The following FERRY3 variants were observed in gnomAD, a reference collection of about 807,000 sequenced individuals.
The protein encoded by FERRY3 is protein C12orf4.
the FERRY3 span, among the ~76,000 whole-genome samples, chr12:4,508,581 T>C: frequency 6.6e-6 from 1 of 151,864 alleles, no homozygotes; most frequent in African/African-American, 2.4e-5. Context: ...CCCGTCTCTA[T>C]TAAAAATACA....
chr12:4,488,797 C>T, the FERRY3 span: 3 of 152,144 alleles, frequency 2.0e-5, no homozygotes, highest in Admixed American at 2.0e-4. The surrounding 1 kb of genome is among the most constrained non-coding windows in gnomAD (Gnocchi z 4.9). Context: ...TTTCTAAACA[C>T]CTGTGTGCTT....
At chr12:4,489,124 G>C in the FERRY3 span, 1 of 152,546 alleles carries the variant, frequency 6.6e-6, no homozygotes, top group Admixed American at 6.5e-5. Flanking sequence ...CATCAAGCTT[G>C]CAAAAAAGAA....
chr12:4,505,301 C>T, the FERRY3 span: 4 of 1,548,108 alleles, frequency 2.6e-6, no homozygotes, highest in South Asian at 4.5e-5. Context: ...AAAAGAAATA[C>T]TTACCAGGTA....
the FERRY3 span, among the ~76,000 whole-genome samples, chr12:4,506,094 CTGAA>C: frequency 2.2e-4 from 34 of 151,974 alleles, no homozygotes; most frequent in African/African-American, 8.0e-4. Flanking sequence ...ATTATAAAGA[CTGAA>C]TGCAAATTAT....
the FERRY3 span, among the ~76,000 whole-genome samples, chr12:4,511,121 C>G: frequency 6.7e-6 from 1 of 149,584 alleles, no homozygotes; most frequent in Non-Finnish European, 1.5e-5. Context: ...TTTAAACCAA[C>G]AAAGATCAAA....
chr12:4,491,868 G>A, the FERRY3 span, among the ~76,000 whole-genome samples: 2 of 152,142 alleles, frequency 1.3e-5, no homozygotes, highest in South Asian at 4.1e-4. Flanking sequence ...AAAACATGTA[G>A]ATTATTTCAC....
chr12:4,505,460 C>A, the FERRY3 span: 1 of 956,864 alleles, frequency 1.0e-6, no homozygotes, highest in Non-Finnish European at 1.6e-6. Flanking sequence ...AAAAGAATCA[C>A]AACAACAGCA....
the FERRY3 span, among the ~76,000 whole-genome samples, chr12:4,515,753 A>C: frequency 6.6e-6 from 1 of 152,172 alleles, no homozygotes; most frequent in Non-Finnish European, 1.5e-5. Context: ...TATATTTAAC[A>C]ATATTCTAGT....
At chr12:4,489,848 A>G in the FERRY3 span, 1 of 1,611,492 alleles carries the variant, frequency 6.2e-7, no homozygotes, top group South Asian at 1.1e-5. Context: ...GATACTCGGA[A>G]GATCTGGGGA....
chr12:4,494,137 C>T, the FERRY3 span, among the ~76,000 whole-genome samples: 1 of 152,008 alleles, frequency 6.6e-6, no homozygotes, highest in African/African-American at 2.4e-5. Flanking sequence ...CGGAGCAATG[C>T]TGATGGCTCT....
At chr12:4,507,067 G>C in the FERRY3 span, among the ~76,000 whole-genome samples, 3 of 152,220 alleles carry the variant, frequency 2.0e-5, no homozygotes, top group African/African-American at 7.2e-5. Flanking sequence ...GCCGTATGTG[G>C]TTTAAAAACT....
chr12:4,535,311 GC>G, the FERRY3 span, among the ~76,000 whole-genome samples: 1 of 152,224 alleles, frequency 6.6e-6, no homozygotes, highest in Non-Finnish European at 1.5e-5. This position sits in a 1 kb window ranked among gnomAD's most constrained non-coding sequence, Gnocchi z 4.0. Context: ...ATGGGATGCA[GC>G]CCGAGAATTT....
At chr12:4,517,301 A>G in the FERRY3 span, 1 of 1,137,142 alleles carries the variant, frequency 8.8e-7, no homozygotes, top group Non-Finnish European at 1.2e-6. Context: ...TTTCTTAATA[A>G]GATTTCTTAT....
At chr12:4,527,454 C>T in the FERRY3 span, among the ~76,000 whole-genome samples, 11 of 152,018 alleles carry the variant, frequency 7.2e-5, no homozygotes, top group Admixed American at 1.3e-4. Flanking sequence ...CTCTGGCAAC[C>T]TATATATTAT....
chr12:4,499,643 A>T, the FERRY3 span, among the ~76,000 whole-genome samples: 1 of 152,206 alleles, frequency 6.6e-6, no homozygotes, highest in Admixed American at 6.5e-5. Context: ...CCTTGAGACA[A>T]ATGTTAAACT....
At chr12:4,518,426 A>T in the FERRY3 span, among the ~76,000 whole-genome samples, 3 of 152,226 alleles carry the variant, frequency 2.0e-5, no homozygotes, top group Non-Finnish European at 4.4e-5. Flanking sequence ...ATCTATCTGC[A>T]AAAAACATTA....
At chr12:4,517,033 G>T in the FERRY3 span, 89 of 1,495,362 alleles carry the variant, frequency 6.0e-5, no homozygotes, top group Middle Eastern at 7.0e-4. Context: ...ATTATAGACA[G>T]AATATAATAA....
At chr12:4,510,074 A>C in the FERRY3 span, among the ~76,000 whole-genome samples, 4 of 140,018 alleles carry the variant, frequency 2.9e-5, no homozygotes, top group Non-Finnish European at 6.1e-5. Context: ...CTGAAAACCA[A>C]GGCTCGAGAT....
At chr12:4,524,752 G>A in the FERRY3 span, among the ~76,000 whole-genome samples, 1 of 152,040 alleles carries the variant, frequency 6.6e-6, no homozygotes, top group Non-Finnish European at 1.5e-5. Context: ...ATTTATCTAG[G>A]CCAAGAGATG....
Sources: gnomAD v4.1 joint callset for allele counts (sites outside exome capture counted in the v4.1 genomes callset) on GRCh38, gnomAD v4.1.1 for gene constraint, Gnocchi (gnomAD v3.1) non-coding constraint, MANE v1.5 for transcripts, NCBI Gene and HGNC (gene_info 2026-07-23, HGNC 2026-07-21) for gene names.